Variants in MMRN1 observed in about 807,000 individuals in gnomAD.
The protein encoded by MMRN1 is multimerin-1.
A neutral mutation model predicts 100.7 loss-of-function variants in MMRN1; 94 were observed. The ratio of observed to expected loss-of-function variants is 0.93; its 90% CI spans 0.79 to 1.11. The LOEUF is 1.11. MMRN1 is among the 50% of genes least tolerant of loss of function. The pLI is 0.00. For missense variants in MMRN1, 1,606 were observed against 1,439.1 expected (o/e 1.12, Z -1.88); for synonymous variants, 575 against 505.0 (o/e 1.14, Z -1.86).
chr4:89,935,137 C>G lies in MMRN1; in HGVS notation c.1457C>G (p.Thr486Ser). ...KPIKELEVKQ[T>S]HLEGALEQEH... ...ATTAAAGAACTAGAAGTAAAGCAGA[C>G]TCATTTAGAAGGTGCTCTAGAACAG... is the stretch of plus-strand genomic sequence containing the variant. Residue 486 changes from threonine (T) to serine (S), a missense_variant, in exon 6 of 8, where the codon ACT becomes AGT. By Grantham distance (58) the Thr-to-Ser change is moderately conservative. Transcript: ENST00000264790. The G allele has an allele frequency of 6.2e-7, 1 of 1,613,520 alleles. No homozygotes were observed. Among genetic ancestry groups the G allele is most frequent in the Non-Finnish European group, 8.5e-7 (1 of 1,179,706 alleles).
At chr4:89,931,421 A>C (rs1325601404) in intron 5 of MMRN1, among the ~76,000 whole-genome samples, 1 of 152,152 alleles carries the variant, frequency 6.6e-6, no homozygotes, top group Non-Finnish European at 1.5e-5. Context: ...AATAGACTAC[A>C]TAGTAGCTAT....
At chr4:89,907,980 T>C (rs2110593740) in intron 1 of MMRN1, among the ~76,000 whole-genome samples, 1 of 151,458 alleles carries the variant, frequency 6.6e-6, no homozygotes, top group Non-Finnish European at 1.5e-5. Flanking sequence ...AAGCACAAAA[T>C]AGTATTCAGT....
chr4:89,934,785 T>C, intron 5 of MMRN1, 25 bp from the exon 6 acceptor site: 2 of 1,308,006 alleles, frequency 1.5e-6, no homozygotes, highest in South Asian at 1.8e-5. Context: ...TAAAACTATG[T>C]ATTATTAATT....
At chr4:89,921,660 C>A (rs1560588797) in intron 3 of MMRN1, among the ~76,000 whole-genome samples, 1 of 152,050 alleles carries the variant, frequency 6.6e-6, no homozygotes, top group Admixed American at 6.6e-5. Flanking sequence ...GATAAGTCAA[C>A]AATTACACAG....
intron 3 of MMRN1, among the ~76,000 whole-genome samples, chr4:89,914,420 C>A (rs1721850201): frequency 6.6e-6 from 1 of 151,268 alleles, no homozygotes; most frequent in Non-Finnish European, 1.5e-5. Flanking sequence ...ACTTTAGCTG[C>A]AACTCAGATA....
intron 1 of MMRN1, among the ~76,000 whole-genome samples, chr4:89,887,809 G>C (rs551310584): frequency 8.6e-4 from 131 of 151,664 alleles, no homozygotes; most frequent in African/African-American, 3.1e-3. Context: ...GTGTTCCTCT[G>C]TCTTGAATTT....
Position 89,926,456 on chromosome 4 carries a change from G to C in MMRN1, c.956-1339G>C, listed in dbSNP as rs567542662. ...TGAAAAATGTATATTCAAATCTTTT[G>C]CCCTGTTTTGATTGGATTATCGGGT... On this transcript the variant is annotated intron_variant, in intron 4 of 7. Coordinates refer to ENST00000264790, the MANE Select transcript of MMRN1 (RefSeq NM_007351.3). 3.3e-5 allele frequency among the ~76,000 whole-genome samples: 5 copies of C among 152,186 alleles called. No individual in the cohort carries two copies. The South Asian group carries it at 6.2e-4, about 19-fold the overall frequency.
Position 89,895,273 on chromosome 4 carries a change from C to A in MMRN1, c.302C>A (p.Thr101Lys), listed in dbSNP as rs1213915170. The part of the protein sequence containing the change: ...PAEGVRNQTL[T>K]STEKAEGVVK... Reference sequence around the variant, plus strand: ...GAGGGTGTGAGAAATCAAACTCTCACATCCACAGAGAAAGCAGAAGGAGTG... The same window carrying A: ...GAGGGTGTGAGAAATCAAACTCTCAAATCCACAGAGAAAGCAGAAGGAGTG... The change falls in exon 1 of 8, where the codon ACA (threonine) becomes AAA (lysine). Residue 101 changes from threonine to lysine, a missense_variant. Coordinates refer to ENST00000264790, the MANE Select transcript of MMRN1 (RefSeq NM_007351.3). 2 of 1,613,902 alleles carry A rather than the reference C, an allele frequency of 1.2e-6. No individual in the cohort carries two copies. Among genetic ancestry groups the A allele is most frequent in the Non-Finnish European group, 1.7e-6 (2 of 1,179,920 alleles).
chr4:89,926,988 C>T (rs985926165), intron 4 of MMRN1, among the ~76,000 whole-genome samples: 6 of 152,028 alleles, frequency 3.9e-5, no homozygotes, highest in Non-Finnish European at 7.4e-5. Context: ...GTGTATTTGT[C>T]TATTTTTATG....
rs1266574372 is a variant in MMRN1 at position 89,889,083 on chromosome 4, T to C, written c.-248-5641T>C. 3.9e-5 allele frequency among the ~76,000 whole-genome samples: 6 copies of C among 152,170 alleles called. No homozygotes were observed. In the East Asian group the frequency reaches 5.8e-4, roughly 15 times the overall value. The stretch of plus-strand genomic sequence containing the variant: ...TTCTTATTCTGTTAGCCGTTTAGTG[T>C]AGGAGCTGAGTTATCCCAATTTGTA... On this transcript the variant is annotated intron_variant, in intron 1 of 8. Transcript: ENST00000394980.
chr4:89,895,494 G>C lies in MMRN1; in HGVS notation c.523G>C (p.Gly175Arg). 1 of 1,613,798 alleles carries C rather than the reference G, an allele frequency of 6.2e-7. No homozygotes were observed. Among genetic ancestry groups the C allele is most frequent in the East Asian group, 2.2e-5 (1 of 44,752 alleles). Residue 175 changes from glycine to arginine, a missense_variant, in exon 1 of 8, where the codon GGA (glycine) becomes CGA (arginine). Transcript: ENST00000264790. The part of the protein sequence containing the change: ...IGGVGGTGGV[G>R]NRAPRETYLS... ...AGGCGTTGGAGGCACTGGAGGCGTG[G>C]GAAATCGAGCCCCACGGGAAACATA...
chr4:89,911,852 G>A (rs1721760086), intron 2 of MMRN1, 92 bp from the exon 3 acceptor site: 4 of 747,162 alleles, frequency 5.4e-6, no homozygotes, highest in South Asian at 1.6e-5. Context: ...TATATTGTAG[G>A]CATTGCCCCA....
At chr4:89,923,919 G>A (rs1722167577) in intron 4 of MMRN1, among the ~76,000 whole-genome samples, 1 of 152,150 alleles carries the variant, frequency 6.6e-6, no homozygotes, top group Non-Finnish European at 1.5e-5. Flanking sequence ...GACTTAAAGG[G>A]CTGTCTTTAA....
intron 2 of MMRN1, 68 bp from the exon 3 acceptor site, chr4:89,911,876 T>C: frequency 4.5e-6 from 5 of 1,110,758 alleles, no homozygotes; most frequent in Non-Finnish European, 6.7e-6. Context: ...ACTTTACATT[T>C]ATTATTCCGG....
chr4:89,891,220 AC>A (rs1389557114), upstream of MMRN1, among the ~76,000 whole-genome samples: 1 of 152,180 alleles, frequency 6.6e-6, no homozygotes, highest in Admixed American at 6.5e-5. Context: ...ATTTCAGAAG[AC>A]TTTTGAAGGT....
At chr4:89,892,143 A>G (rs1331123802), upstream of MMRN1, among the ~76,000 whole-genome samples, 1 of 151,884 alleles carries the variant, frequency 6.6e-6, no homozygotes, top group Non-Finnish European at 1.5e-5. Context: ...TATATAGTGA[A>G]TCCTATGTTT....
intron 1 of MMRN1, among the ~76,000 whole-genome samples, chr4:89,884,354 T>G (rs1720887623): frequency 6.6e-6 from 1 of 152,008 alleles, no homozygotes; most frequent in African/African-American, 2.4e-5. Flanking sequence ...CTTATTCGGG[T>G]GTTTCAAAAA....
chr4:89,922,702 T>C (rs1431581959), intron 3 of MMRN1, among the ~76,000 whole-genome samples: 1 of 152,292 alleles, frequency 6.6e-6, no homozygotes, highest in African/African-American at 2.4e-5. Context: ...GCACTATTAA[T>C]GAAATAGCTA....
intron 4 of MMRN1, among the ~76,000 whole-genome samples, chr4:89,925,021 A>G (rs914206643): frequency 2.6e-5 from 4 of 152,056 alleles, no homozygotes; most frequent in Admixed American, 6.6e-5. Flanking sequence ...AAACAATCCA[A>G]TTATATTCTC....
Sources: allele counts gnomAD v4.1 joint callset (sites outside exome capture counted in the v4.1 genomes callset), GRCh38; gene constraint gnomAD v4.1.1; transcripts MANE v1.5; gene names NCBI Gene and HGNC (gene_info 2026-07-23, HGNC 2026-07-21).